The following ARPP21 variants were observed in gnomAD, a reference collection of about 807,000 sequenced individuals.
ARPP21 encodes the protein cAMP regulated phosphoprotein 21, also known as cAMP-regulated phosphoprotein 21.
ARPP21 carries 69 observed loss-of-function variants against 113.2 expected under a neutral mutation model. That is an observed-to-expected ratio of 0.61 (90% CI 0.50 to 0.74). ARPP21 has a LOEUF of 0.74. Among genes scored for constraint, ARPP21 ranks in the 30% least tolerant of loss-of-function variants. The pLI is 0.00. For synonymous variants in ARPP21, 368 were observed against 375.5 expected (o/e 0.98, Z 0.23); for missense variants, 1,070 against 1,037.4 (o/e 1.03, Z -0.43).
chr3:35,746,313 G>A (rs77643345), intron 19 of ARPP21, among the ~76,000 whole-genome samples: 10,165 of 152,188 alleles, frequency 0.067, 941 homozygotes, highest in African/African-American at 0.21. Context: ...AGTGCACAGA[G>A]GCTCTGGGTC....
At chr3:35,678,785 G>C (rs552160300) in intron 1 of ARPP21, 15 of 152,114 alleles carry the variant, frequency 9.9e-5, no homozygotes, top group African/African-American at 3.6e-4. Context: ...GGAGGAGGGA[G>C]AGAGGGTTTC....
chr3:35,757,593 T>G (rs79793899), intron 19 of ARPP21, among the ~76,000 whole-genome samples: 3,262 of 152,218 alleles, frequency 0.021, 60 homozygotes, highest in South Asian at 0.085. Flanking sequence ...GTTTTTGTTA[T>G]GTTTGTTATG....
chr3:35,773,031 A>G (rs2096253118), intron 19 of ARPP21, among the ~76,000 whole-genome samples: 1 of 152,182 alleles, frequency 6.6e-6, no homozygotes, highest in African/African-American at 2.4e-5. Flanking sequence ...TTTTGGCCAT[A>G]TCTTGAGCAT....
At chr3:35,750,952 C>A (rs887958149) in intron 19 of ARPP21, among the ~76,000 whole-genome samples, 24 of 152,128 alleles carry the variant, frequency 1.6e-4, no homozygotes, top group African/African-American at 5.8e-4. Flanking sequence ...GCTTTCAGCC[C>A]TGTTGCTTAA....
At chr3:35,760,006 G>A (rs961479184) in intron 19 of ARPP21, among the ~76,000 whole-genome samples, 1 of 152,036 alleles carries the variant, frequency 6.6e-6, no homozygotes, top group African/African-American at 2.4e-5. Context: ...GAGCCACTCG[G>A]TTGTTGTAAG....
chr3:35,657,101 C>A (rs376190027), intron 1 of ARPP21, among the ~76,000 whole-genome samples: 2 of 152,052 alleles, frequency 1.3e-5, no homozygotes, highest in South Asian at 4.1e-4. Context: ...TTTTCTCATT[C>A]GGTATTTTTC....
intron 1 of ARPP21, among the ~76,000 whole-genome samples, chr3:35,646,228 A>G (rs1700173663): frequency 6.6e-6 from 1 of 152,130 alleles, no homozygotes; most frequent in Non-Finnish European, 1.5e-5. Context: ...GGAAAAATGG[A>G]AGACTAACAC....
At chr3:35,679,285 T>G (rs2078268534) in intron 1 of ARPP21, among the ~76,000 whole-genome samples, 2 of 151,938 alleles carry the variant, frequency 1.3e-5, no homozygotes. Flanking sequence ...TTAACTTTTA[T>G]AGAGAATGTT....
chr3:35,768,236 A>G (rs1480414802), intron 19 of ARPP21, among the ~76,000 whole-genome samples: 1 of 151,314 alleles, frequency 6.6e-6, no homozygotes, highest in African/African-American at 2.4e-5. Context: ...TCCCCTTCCC[A>G]TTTCCTCTTT....
At chr3:35,767,366 C>A (rs2096016585) in intron 19 of ARPP21, among the ~76,000 whole-genome samples, 1 of 152,084 alleles carries the variant, frequency 6.6e-6, no homozygotes, top group Admixed American at 6.6e-5. Context: ...AATAATCTAA[C>A]TTTTATACTG....
At chr3:35,766,831 A>G (rs1000299174) in intron 19 of ARPP21, among the ~76,000 whole-genome samples, 2 of 149,894 alleles carry the variant, frequency 1.3e-5, no homozygotes, top group Non-Finnish European at 3.0e-5. Context: ...TATTATACAT[A>G]TGTGTGTGTG....
intron 7 of ARPP21, among the ~76,000 whole-genome samples, chr3:35,689,790 G>A (rs1322697326): frequency 6.6e-6 from 1 of 151,350 alleles, no homozygotes; most frequent in African/African-American, 2.4e-5. Context: ...TTTATTTGAT[G>A]GGTTTTTTGA....
chr3:35,710,743 C>A (rs1330213563), intron 11 of ARPP21, among the ~76,000 whole-genome samples: 4 of 152,220 alleles, frequency 2.6e-5, no homozygotes, highest in Non-Finnish European at 4.4e-5. Flanking sequence ...GTGACAAAGT[C>A]TGTCACTAAT....
At chr3:35,768,045 A>G (rs1046775338) in intron 19 of ARPP21, among the ~76,000 whole-genome samples, 18 of 150,038 alleles carry the variant, frequency 1.2e-4, no homozygotes, top group Non-Finnish European at 2.1e-4. Flanking sequence ...ATCCAGCTCC[A>G]GGCTCATACC....
At chr3:35,660,059 G>C (rs1248499183) in intron 1 of ARPP21, among the ~76,000 whole-genome samples, 1 of 152,186 alleles carries the variant, frequency 6.6e-6, no homozygotes, top group Non-Finnish European at 1.5e-5. Context: ...TTCTAGCCCT[G>C]ACAAGCCTTC....
At chr3:35,779,463 C>T (rs1423732502) in intron 19 of ARPP21, among the ~76,000 whole-genome samples, 4 of 152,012 alleles carry the variant, frequency 2.6e-5, no homozygotes, top group Admixed American at 1.3e-4. Context: ...TGTGTGTGAT[C>T]CTGAACAAGA....
At chr3:35,789,567 T>G (rs1468047697) in intron 19 of ARPP21, among the ~76,000 whole-genome samples, 4 of 151,746 alleles carry the variant, frequency 2.6e-5, no homozygotes, top group Non-Finnish European at 5.9e-5. Flanking sequence ...TTGCCTTAAG[T>G]GTGTTTACCA....
chr3:35,779,904 G>T (rs2096482618), intron 19 of ARPP21, among the ~76,000 whole-genome samples: 1 of 151,658 alleles, frequency 6.6e-6, no homozygotes, highest in Non-Finnish European at 1.5e-5. Context: ...ACCTGTCATT[G>T]CCCCATGCCA....
At chr3:35,688,241 T>A (rs967998804) in intron 6 of ARPP21, among the ~76,000 whole-genome samples, 5 of 151,562 alleles carry the variant, frequency 3.3e-5, no homozygotes, top group Non-Finnish European at 7.4e-5. Flanking sequence ...AAGTTTGATA[T>A]CTTAACTCTC....
Sources: allele counts gnomAD v4.1 joint callset (sites outside exome capture counted in the v4.1 genomes callset), GRCh38; gene constraint gnomAD v4.1.1; transcripts MANE v1.5; gene names NCBI Gene and HGNC (gene_info 2026-07-23, HGNC 2026-07-21).